RBFOX1: variants seen among roughly 807,000 people sequenced by gnomAD.
The protein encoded by RBFOX1 is RNA binding protein fox-1 homolog 1.
In RBFOX1, 8 loss-of-function variants were observed where a neutral mutation model predicts 57.7. That is an observed-to-expected ratio of 0.14 (90% CI 0.08 to 0.25). The LOEUF is 0.25. RBFOX1 is among the 10% of genes least tolerant of loss of function. RBFOX1 has a pLI of 1.00. For missense variants in RBFOX1, 611 were observed against 548.5 expected, an observed-to-expected ratio of 1.11 and a Z score of -1.14; for synonymous variants, 326 against 222.4, an observed-to-expected ratio of 1.47 and a Z score of -4.15.
chr16:7,526,822 AAAT>A (rs1295705208), intron 5 of RBFOX1, among the ~76,000 whole-genome samples: 2 of 152,214 alleles, frequency 1.3e-5, no homozygotes, highest in Non-Finnish European at 2.9e-5. Flanking sequence ...AATCTAAGGC[AAAT>A]CACTTACTGA....
chr16:6,620,574 A>G (rs1027162515), intron 2 of RBFOX1, among the ~76,000 whole-genome samples: 28 of 152,078 alleles, frequency 1.8e-4, no homozygotes, highest in African/African-American at 5.6e-4. Context: ...TTTTTAAACA[A>G]CAACAATAAC....
At chr16:7,117,211 T>G (rs1303906312) in intron 4 of RBFOX1, among the ~76,000 whole-genome samples, 4 of 152,138 alleles carry the variant, frequency 2.6e-5, no homozygotes. Flanking sequence ...TTTTGGGCTT[T>G]GTAACAAGGG....
intron 3 of RBFOX1, among the ~76,000 whole-genome samples, chr16:5,753,733 C>T (rs899457226): frequency 6.6e-6 from 1 of 152,126 alleles, no homozygotes; most frequent in Non-Finnish European, 1.5e-5. Flanking sequence ...GGTTGTTAAG[C>T]GTTTACCAGC....
intron 5 of RBFOX1, among the ~76,000 whole-genome samples, chr16:7,520,833 C>T (rs867203169): frequency 1.3e-5 from 2 of 152,130 alleles, no homozygotes. Context: ...AAAAAAGATC[C>T]AATCAGACAT....
intron 2 of RBFOX1, among the ~76,000 whole-genome samples, chr16:6,587,369 C>A (rs1184304626): frequency 6.6e-6 from 1 of 152,120 alleles, no homozygotes; most frequent in African/African-American, 2.4e-5. Context: ...GCAAACTTCG[C>A]CTCCCAGGAT....
chr16:7,390,088 G>A (rs1041773542), intron 4 of RBFOX1, among the ~76,000 whole-genome samples: 1 of 152,112 alleles, frequency 6.6e-6, no homozygotes, highest in South Asian at 2.1e-4. Context: ...GAGAGAGGAA[G>A]ACAGAAAAAC....
At chr16:6,199,337 C>A (rs1370735680) in intron 1 of RBFOX1, among the ~76,000 whole-genome samples, 1 of 152,098 alleles carries the variant, frequency 6.6e-6, no homozygotes, top group Non-Finnish European at 1.5e-5. Context: ...AATAGAATGC[C>A]ATTGTGGTCT....
In RBFOX1 at chr16:7,581,344, T is replaced by C. The variant is rs544963722; in HGVS notation, c.414+1424T>C. On this transcript the variant is annotated intron_variant, in intron 6 of 15. Coordinates refer to ENST00000550418, the MANE Select transcript of RBFOX1 (RefSeq NM_018723.4). ...TCAAAGTGAGAGTCGAGGTTAAGTGTGTGTGAGGCAGTAAGACCAGGTGTG... is the reference window on the plus strand; with the variant it reads ...TCAAAGTGAGAGTCGAGGTTAAGTGCGTGTGAGGCAGTAAGACCAGGTGTG... Among the ~76,000 whole-genome samples the C allele has an allele frequency of 9.9e-4, 151 of 152,242 alleles. 1 individual carries two copies. Among genetic ancestry groups the C allele is most frequent in the African/African-American group, 3.5e-3 (146 of 41,538 alleles).
At chr16:6,963,581 C>T (rs1051904301) in intron 3 of RBFOX1, among the ~76,000 whole-genome samples, 2 of 152,132 alleles carry the variant, frequency 1.3e-5, no homozygotes, top group African/African-American at 4.8e-5. Context: ...AGGATTTCAA[C>T]TATAGGCCAT....
At chr16:6,905,194 A>G (rs572563081) in intron 3 of RBFOX1, among the ~76,000 whole-genome samples, 7 of 152,072 alleles carry the variant, frequency 4.6e-5, no homozygotes, top group East Asian at 3.9e-4. Flanking sequence ...TTTTTTCTCA[A>G]TAACACTTGT....
intron 2 of RBFOX1, among the ~76,000 whole-genome samples, chr16:6,400,108 A>C (rs188748616): frequency 3.0e-4 from 46 of 152,292 alleles, no homozygotes; most frequent in African/African-American, 9.9e-4. Context: ...TACCAACTTG[A>C]CCTATGACAT....
intron 4 of RBFOX1, among the ~76,000 whole-genome samples, chr16:7,231,162 TA>T (rs2093473407): frequency 1.3e-5 from 2 of 152,182 alleles, no homozygotes; most frequent in Admixed American, 1.3e-4. Flanking sequence ...AAGAGACCAC[TA>T]TAGCTTAAAA....
intron 1 of RBFOX1, among the ~76,000 whole-genome samples, chr16:5,338,098 C>T (rs986099597): frequency 2.0e-5 from 3 of 152,238 alleles, no homozygotes; most frequent in African/African-American, 4.8e-5. Flanking sequence ...AGGGTGATCC[C>T]AGGCAGAGAG....
chr16:7,481,764 T>A (rs917469066), intron 4 of RBFOX1, among the ~76,000 whole-genome samples: 3 of 152,072 alleles, frequency 2.0e-5, no homozygotes, highest in African/African-American at 4.8e-5. Context: ...ACATAATAAG[T>A]CAAAAATGCA....
At chr16:7,172,035 T>G (rs1208147053) in intron 4 of RBFOX1, among the ~76,000 whole-genome samples, 1 of 151,796 alleles carries the variant, frequency 6.6e-6, no homozygotes, top group African/African-American at 2.4e-5. Flanking sequence ...CTTCCAGTTT[T>G]GTCACAATTC....
At chr16:6,405,014 G>A (rs1276242267) in intron 2 of RBFOX1, among the ~76,000 whole-genome samples, 1 of 152,120 alleles carries the variant, frequency 6.6e-6, no homozygotes, top group Admixed American at 6.6e-5. Flanking sequence ...GAGTCTTAAG[G>A]TCAGGTATAA....
chr16:5,290,287 G>A (rs113680777), intron 1 of RBFOX1, among the ~76,000 whole-genome samples: 1 of 152,106 alleles, frequency 6.6e-6, no homozygotes, highest in Non-Finnish European at 1.5e-5. Flanking sequence ...GCTTGAACCC[G>A]GGAGGCAGAG....
At chr16:5,963,483 T>C (rs1209962553) in intron 4 of RBFOX1, among the ~76,000 whole-genome samples, 1 of 152,204 alleles carries the variant, frequency 6.6e-6, no homozygotes, top group African/African-American at 2.4e-5. Context: ...AAGCTGGAGG[T>C]ATCACACTTC....
At chr16:6,244,444 G>A (rs758733066) in intron 1 of RBFOX1, among the ~76,000 whole-genome samples, 7 of 152,166 alleles carry the variant, frequency 4.6e-5, no homozygotes, top group Non-Finnish European at 8.8e-5. Flanking sequence ...GGTCTGCAGT[G>A]CAACATCTAG....
Sources: allele counts gnomAD v4.1 joint callset (sites outside exome capture counted in the v4.1 genomes callset), GRCh38; gene constraint gnomAD v4.1.1; transcripts MANE v1.5; gene names NCBI Gene and HGNC (gene_info 2026-07-23, HGNC 2026-07-21).